Variants in SCARA5 observed in about 807,000 individuals in gnomAD.
The protein encoded by SCARA5 is scavenger receptor class A member 5.
In SCARA5, 45 loss-of-function variants were observed where a neutral mutation model predicts 46.3. That is an observed-to-expected ratio of 0.97 (90% confidence interval 0.76 to 1.24). The LOEUF (loss-of-function observed/expected upper bound fraction) is 1.24. SCARA5 is among the 50% of genes most tolerant of loss of function. The probability of loss-of-function intolerance (pLI) is 0.00; values close to 1 mark genes in which losing one functional copy is unlikely to be tolerated. For synonymous variants in SCARA5, 333 were observed against 306.5 expected (o/e 1.09, Z -0.90); for missense variants, 680 against 689.0 (o/e 0.99, Z 0.15).
chr8:27,986,928 G>C (rs1158862108), intron 2 of SCARA5, among the ~76,000 whole-genome samples: 1 of 152,212 alleles, frequency 6.6e-6, no homozygotes, highest in Non-Finnish European at 1.5e-5. Context: ...GTGGAAAAGC[G>C]CTCTGGGCTC....
Position 27,870,432 on chromosome 8 carries a change from C to T in SCARA5, c.*1502G>A, listed in dbSNP as rs1464501314. The T allele has an allele frequency of 6.6e-6, 1 of 152,474 alleles. No homozygotes were observed. The highest frequency in any genetic ancestry group is 1.5e-5 in the Non-Finnish European group (1 of 68,008). The allele number at this position is 152,474 out of a possible 1,614,324, so 9.4% of individuals were successfully genotyped here. On this transcript the variant is annotated 3_prime_UTR_variant, in exon 9 of 9. Coordinates refer to ENST00000354914, the MANE Select transcript of SCARA5 (RefSeq NM_173833.6). ...CAAGCATATTGGAAGCAAGAATGAC[C>T]TAGGGCCATATTGGCTTAGTTGTCA...
intron 2 of SCARA5, among the ~76,000 whole-genome samples, chr8:27,968,504 G>C (rs868425322): frequency 6.6e-6 from 1 of 152,188 alleles, no homozygotes; most frequent in Non-Finnish European, 1.5e-5. Flanking sequence ...AAATATGTAG[G>C]CTCCTGGTAG....
At chr8:27,987,081 C>T (rs1808716332) in intron 2 of SCARA5, among the ~76,000 whole-genome samples, 1 of 152,234 alleles carries the variant, frequency 6.6e-6, no homozygotes, top group Non-Finnish European at 1.5e-5. Context: ...AGGATGAGCA[C>T]CTTGGAGAGC....
chr8:27,980,632 A>C (rs1159637096), intron 2 of SCARA5, among the ~76,000 whole-genome samples: 2 of 152,146 alleles, frequency 1.3e-5, no homozygotes, highest in Non-Finnish European at 2.9e-5. Flanking sequence ...CGCCTCCTGG[A>C]AACAGCAGCC....
At chr8:27,969,527 G>A (rs1186100176) in intron 2 of SCARA5, among the ~76,000 whole-genome samples, 3 of 152,176 alleles carry the variant, frequency 2.0e-5, no homozygotes, top group African/African-American at 7.2e-5. Context: ...GGCGGAGCAC[G>A]GGGGATTTTC....
chr8:27,926,657 T>G (rs887217721), intron 3 of SCARA5, among the ~76,000 whole-genome samples: 1 of 152,186 alleles, frequency 6.6e-6, no homozygotes, highest in Non-Finnish European at 1.5e-5. Context: ...TGCCGTATAA[T>G]CTAGACCTTA....
chr8:27,936,504 G>A (rs751198334), intron 3 of SCARA5, among the ~76,000 whole-genome samples: 5 of 149,428 alleles, frequency 3.3e-5, no homozygotes, highest in South Asian at 2.2e-4. Flanking sequence ...CAGGAGAATC[G>A]CTTGAACCCG....
intron 3 of SCARA5, among the ~76,000 whole-genome samples, chr8:27,927,477 A>G (rs1001235544): frequency 2.6e-5 from 4 of 152,166 alleles, no homozygotes; most frequent in African/African-American, 9.7e-5. Context: ...TTCAATCTTT[A>G]TAATTTGATT....
In SCARA5 at chr8:27,936,592, TAAA is replaced by T. The variant is rs71222526; in HGVS notation, c.242-14350_242-14348del. ...TGAGAGAGAAAGACTGTGTCTCCATTAAAAAAAAAAAAAAAAAAAGGTGGGGAT... is the reference window on the plus strand; with the variant it reads ...TGAGAGAGAAAGACTGTGTCTCCATTAAAAAAAAAAAAAAAAGGTGGGGAT... On this transcript the variant is annotated intron_variant, in intron 3 of 8. Coordinates refer to ENST00000354914, the MANE Select transcript of SCARA5 (RefSeq NM_173833.6). 3.2e-4 allele frequency among the ~76,000 whole-genome samples: 10 copies of T among 31,318 alleles called. 1 individual carries two copies. Among genetic ancestry groups the T allele is most frequent in the East Asian group, 3.4e-3 (2 of 586 alleles). 20.5% of individuals were successfully genotyped at this position (31,318 alleles called of 152,430 possible).
intron 7 of SCARA5, 80 bp from the exon 8 acceptor site, chr8:27,879,846 A>G (rs1806784112): frequency 7.2e-7 from 1 of 1,389,814 alleles, no homozygotes; most frequent in African/African-American, 1.4e-5. Context: ...GACTCCGCCT[A>G]CCCCTGGGTA....
At chr8:27,944,662 G>T (rs1289225103) in intron 3 of SCARA5, among the ~76,000 whole-genome samples, 1 of 148,988 alleles carries the variant, frequency 6.7e-6, no homozygotes, top group Non-Finnish European at 1.5e-5. Context: ...AGGAGTTTGA[G>T]ACCAGCCTGG....
chr8:27,877,523 A>G (rs557732037), intron 8 of SCARA5, among the ~76,000 whole-genome samples: 1 of 152,310 alleles, frequency 6.6e-6, no homozygotes, highest in African/African-American at 2.4e-5. Context: ...TGTGATCTTC[A>G]AACTACCTAT....
At chr8:27,957,384 G>T (rs565953805) in intron 3 of SCARA5, among the ~76,000 whole-genome samples, 2 of 152,208 alleles carry the variant, frequency 1.3e-5, no homozygotes, top group African/African-American at 4.8e-5. Flanking sequence ...TGTTCTAGGC[G>T]GTTAACACGG....
At chr8:27,992,034 C>G (rs1168333095) in intron 1 of SCARA5, among the ~76,000 whole-genome samples, 1 of 152,202 alleles carries the variant, frequency 6.6e-6, no homozygotes, top group Non-Finnish European at 1.5e-5. Flanking sequence ...ACCCCAAATG[C>G]AGGCTCACAT....
chr8:27,990,372 G>C (rs1004614818), intron 1 of SCARA5, among the ~76,000 whole-genome samples: 1 of 152,172 alleles, frequency 6.6e-6, no homozygotes, highest in Non-Finnish European at 1.5e-5. Flanking sequence ...GGAGGAAGCA[G>C]GCATTGGGAC....
chr8:27,969,135 C>T (rs542655820), intron 2 of SCARA5, among the ~76,000 whole-genome samples: 2 of 152,260 alleles, frequency 1.3e-5, no homozygotes, highest in South Asian at 2.1e-4. Context: ...TTTAAGACAA[C>T]GACAAGTCAC....
At chr8:27,957,323 G>C (rs979087401) in intron 3 of SCARA5, among the ~76,000 whole-genome samples, 2 of 152,128 alleles carry the variant, frequency 1.3e-5, no homozygotes, top group Non-Finnish European at 2.9e-5. Context: ...ACTTACACCC[G>C]GTTATAAATC....
At chr8:27,941,938 T>C (rs1377138583) in intron 3 of SCARA5, among the ~76,000 whole-genome samples, 2 of 152,006 alleles carry the variant, frequency 1.3e-5, no homozygotes, top group African/African-American at 2.4e-5. Flanking sequence ...GTGATTCTCC[T>C]GCCTCAGCCT....
chr8:27,980,078 G>C lies in SCARA5; in HGVS notation c.112+7426C>G, dbSNP rs1403426893. The stretch of plus-strand genomic sequence containing the variant: ...CTGGTCTGCAGTAGGAGGGAGGAGA[G>C]AGGGGAGGACAGACCAGCTAGAGCG... On this transcript the variant is annotated intron_variant, in intron 2 of 8. Coordinates refer to ENST00000354914, the MANE Select transcript of SCARA5 (RefSeq NM_173833.6). Among the ~76,000 whole-genome samples, 8 of 152,334 alleles carry C rather than the reference G, an allele frequency of 5.3e-5. No homozygotes were observed. The East Asian group carries it at 1.2e-3, about 22-fold the overall frequency.
Sources: gnomAD v4.1 joint callset for allele counts (sites outside exome capture counted in the v4.1 genomes callset) on GRCh38, gnomAD v4.1.1 for gene constraint, MANE v1.5 for transcripts, NCBI Gene and HGNC (gene_info 2026-07-23, HGNC 2026-07-21) for gene names.